The following VPS13C variants were observed in gnomAD, a reference collection of about 807,000 sequenced individuals.
The protein encoded by VPS13C is intermembrane lipid transfer protein VPS13C.
Under a neutral mutation model 456.8 loss-of-function variants are expected in VPS13C, and 358 were observed. That is an observed-to-expected ratio of 0.78 (90% CI 0.72 to 0.86). The LOEUF (loss-of-function observed/expected upper bound fraction) is 0.86. VPS13C is among the 40% of genes least tolerant of loss of function. The pLI is 0.00. For missense variants in VPS13C, 4,818 were observed against 4,385.4 expected (o/e 1.10, Z -2.79); for synonymous variants, 1,578 against 1,486.7 (o/e 1.06, Z -1.41).
chr15:61,913,494 T>C, intron 61 of VPS13C, 79 bp from the exon 62 acceptor site: 2 of 1,266,778 alleles, frequency 1.6e-6, no homozygotes, highest in Non-Finnish European at 2.2e-6. Context: ...GTTGCTGGAC[T>C]ACTAGAAATT....
chr15:61,960,829 A>G (rs1277878308), intron 35 of VPS13C, among the ~76,000 whole-genome samples: 1 of 152,226 alleles, frequency 6.6e-6, no homozygotes, highest in Non-Finnish European at 1.5e-5. Context: ...TAATCTCAGC[A>G]CTTTGGGAGG....
In VPS13C at chr15:61,949,707, C is replaced by A. The variant is rs1407601335; in HGVS notation, c.4597-102G>T. 4 of 1,140,054 alleles carry A rather than the reference C, an allele frequency of 3.5e-6. No homozygotes were observed. In the South Asian group the frequency reaches 8.0e-5, roughly 23 times the overall value. The allele number at this position is 1,140,054 out of a possible 1,614,324, so 70.6% of individuals were successfully genotyped here. ...AGCACAAGAACAGTTCAATTAAGGG[C>A]CTTTTTAAAATTTTTATTTTTTTAA... On this transcript the variant is annotated intron_variant, in intron 41 of 84. Transcript: ENST00000644861.
intron 55 of VPS13C, among the ~76,000 whole-genome samples, chr15:61,921,573 T>C (rs1191219449): frequency 3.3e-5 from 5 of 152,110 alleles, no homozygotes; most frequent in African/African-American, 1.2e-4. Context: ...AAAATTCATT[T>C]AAAAATAAAA....
intron 12 of VPS13C, 61 bp from the exon 13 acceptor site, chr15:62,010,660 A>T: frequency 6.9e-7 from 1 of 1,441,134 alleles, no homozygotes; most frequent in East Asian, 2.5e-5. Context: ...AACAAGTGTA[A>T]ATAATTATGA....
chr15:61,909,089 G>T lies in VPS13C; in HGVS notation c.8881C>A (p.His2961Asn), dbSNP rs186222411. 7 of 1,613,344 alleles carry T rather than the reference G, an allele frequency of 4.3e-6. No individual in the cohort carries two copies. Among genetic ancestry groups the T allele is most frequent in the Non-Finnish European group, 5.1e-6 (6 of 1,179,872 alleles). ...GILVDVNTAE[H>N]STVITFSDYH... ...TCAGAAAAAGTTATGACAGTTGAATGTTCGGCAGTGTTTACATCCACCAAG... is the reference window on the plus strand; with the variant it reads ...TCAGAAAAAGTTATGACAGTTGAATTTTCGGCAGTGTTTACATCCACCAAG... Residue 2961 changes from histidine to asparagine, a missense_variant, in exon 65 of 85, where the codon CAT (histidine) becomes AAT (asparagine). Physicochemically the swap from His to Asn is moderately conservative, Grantham distance 68. Coordinates refer to ENST00000644861, the MANE Select transcript of VPS13C (RefSeq NM_020821.3).
intron 16 of VPS13C, among the ~76,000 whole-genome samples, chr15:61,997,976 C>T (rs2140446149): frequency 6.6e-6 from 1 of 152,276 alleles, no homozygotes; most frequent in East Asian, 1.9e-4. Context: ...CACACAATGG[C>T]TTGTAAGATG....
intron 4 of VPS13C, among the ~76,000 whole-genome samples, chr15:62,034,061 A>G (rs1256617023): frequency 6.6e-6 from 1 of 151,674 alleles, no homozygotes; most frequent in Non-Finnish European, 1.5e-5. Context: ...ATCTATAATG[A>G]CATATTTATA....
At chr15:61,921,350 A>G (rs2043648708) in intron 55 of VPS13C, among the ~76,000 whole-genome samples, 1 of 152,046 alleles carries the variant, frequency 6.6e-6, no homozygotes, top group African/African-American at 2.4e-5. Flanking sequence ...TATATGACTC[A>G]AGTTCCTTTT....
chr15:61,878,613 AT>A lies in VPS13C; in HGVS notation c.10135del (p.Ile3379TyrfsTer32). ...GATLTDVDDL[I>X]FKLAYYEIRY... ...ACTCTAACAGAAGTCTTACTTGAAT[AT>A]AAGGTCATCCACATCAGTCAGAGTA... On this transcript the variant is annotated frameshift_variant, in exon 74 of 85. Coordinates refer to ENST00000644861, the MANE Select transcript of VPS13C (RefSeq NM_020821.3). LOFTEE classifies it high-confidence loss of function. 1.2e-6 allele frequency: 2 copies of A among 1,608,414 alleles called. No individual in the cohort carries two copies. Among genetic ancestry groups the A allele is most frequent in the Non-Finnish European group, 1.7e-6 (2 of 1,177,898 alleles).
rs1567137014 is a variant in VPS13C, at chr15:62,037,319, ATATATT to A, written c.188-2273_188-2268del. Among the ~76,000 whole-genome samples, 19 of 85,796 alleles carry A rather than the reference ATATATT, an allele frequency of 2.2e-4. 1 individual carries two copies. Among genetic ancestry groups the A allele is most frequent in the African/African-American group, 8.5e-4 (18 of 21,190 alleles). 56.3% of individuals were successfully genotyped at this position (85,796 alleles called of 152,430 possible). A position where few individuals can be genotyped will look rare whatever the true frequency, so the allele number is the denominator to read the frequency against. Reference sequence around the variant, plus strand: ...TATATAATATATATATAAATATATTATATATTATATACATTTATATATAATATATTA... The same window carrying A: ...TATATAATATATATATAAATATATTAATATACATTTATATATAATATATTA... On this transcript the variant is annotated intron_variant, in intron 3 of 84. Transcript: ENST00000644861.
intron 60 of VPS13C, among the ~76,000 whole-genome samples, chr15:61,916,832 C>A (rs2043487489): frequency 6.6e-6 from 1 of 151,892 alleles, no homozygotes; most frequent in African/African-American, 2.4e-5. Context: ...CTTGAAGAAA[C>A]AATCATAATA....
intron 27 of VPS13C, among the ~76,000 whole-genome samples, chr15:61,970,478 A>C (rs545147562): frequency 1.3e-5 from 2 of 152,352 alleles, no homozygotes; most frequent in Non-Finnish European, 2.9e-5. Flanking sequence ...TTATAATTAC[A>C]TACTTAGGTA....
chr15:61,991,886 T>C (rs1338545424), intron 16 of VPS13C, 84 bp from the exon 17 acceptor site: 1 of 1,429,644 alleles, frequency 7.0e-7, no homozygotes, highest in Non-Finnish European at 9.4e-7. Context: ...AAAACAATGG[T>C]TCTTTTTTTT....
At position 61,870,167 on chromosome 15, in the gene VPS13C, C is replaced by T. The variant is rs117350979; in HGVS notation, c.10625-544G>A. On this transcript the variant is annotated intron_variant, in intron 79 of 84. Transcript: ENST00000644861. Reference sequence around the variant, plus strand: ...GACTTCTACAACTATCACCACAATCCATTTCAGAAAATGTTTATCATTTTA... The same window carrying T: ...GACTTCTACAACTATCACCACAATCTATTTCAGAAAATGTTTATCATTTTA... Among the ~76,000 whole-genome samples the T allele has an allele frequency of 3.1e-3, 470 of 152,174 alleles. 2 individuals are homozygous for T. The highest frequency in any genetic ancestry group is 4.7e-3 in the Non-Finnish European group (320 of 67,988).
At position 62,037,280 on chromosome 15, in the gene VPS13C, TA is replaced by T. The variant is rs1399705545; in HGVS notation, c.188-2229del. Among the ~76,000 whole-genome samples, 83 of 33,670 alleles carry T rather than the reference TA, an allele frequency of 2.5e-3. 3 individuals are homozygous for T. Among genetic ancestry groups the T allele is most frequent in the East Asian group, 9.5e-3 (11 of 1,156 alleles). The allele number at this position is 33,670 out of a possible 152,430, so 22.1% of individuals were successfully genotyped here. ...ATATATATTATATTATATAATATAT[TA>T]TATATATTATATTATATAATATATA... On this transcript the variant is annotated intron_variant, in intron 3 of 84. Coordinates refer to ENST00000644861, the MANE Select transcript of VPS13C (RefSeq NM_020821.3).
chr15:61,862,055 G>A (rs1174052693), intron 82 of VPS13C, among the ~76,000 whole-genome samples: 3 of 151,998 alleles, frequency 2.0e-5, no homozygotes, highest in Non-Finnish European at 4.4e-5. Context: ...AGCTGAGATC[G>A]CATCACTGGA....
chr15:62,023,968 T>C, intron 6 of VPS13C, 123 bp from the exon 7 acceptor site: 1 of 644,704 alleles, frequency 1.6e-6, no homozygotes, highest in Non-Finnish European at 2.6e-6. Flanking sequence ...CCTTACCTTA[T>C]TCTAAACTGA....
At chr15:62,012,190 G>T in intron 11 of VPS13C, 26 bp from the exon 12 acceptor site, 1 of 1,361,580 alleles carries the variant, frequency 7.3e-7, no homozygotes, top group Non-Finnish European at 1.0e-6. Flanking sequence ...GAATGAGAAT[G>T]AAAAAGAAAA....
chr15:61,964,994 G>A, intron 30 of VPS13C, 133 bp from the exon 31 acceptor site: 4 of 799,042 alleles, frequency 5.0e-6, no homozygotes, highest in South Asian at 2.2e-5. Context: ...AGTAAAAAGT[G>A]GAAGATTCAC....
Sources: gnomAD v4.1 joint callset for allele counts (sites outside exome capture counted in the v4.1 genomes callset) on GRCh38, gnomAD v4.1.1 for gene constraint, MANE v1.5 for transcripts, NCBI Gene and HGNC (gene_info 2026-07-23, HGNC 2026-07-21) for gene names.